Variants in ADARB2 observed in about 807,000 individuals in gnomAD.
ADARB2 encodes the protein adenosine deaminase RNA specific B2 (inactive), also known as inactive double-stranded RNA-specific editase B2.
In ADARB2, 25 loss-of-function variants were observed where a neutral mutation model predicts 62.2. That is an observed-to-expected ratio of 0.40 (90% CI 0.29 to 0.56). The LOEUF is 0.56. Ranked by LOEUF, ADARB2 falls within the 20% of genes least tolerant of loss-of-function variation. The pLI is 0.43. For synonymous variants in ADARB2, 572 were observed against 500.8 expected (o/e 1.14, Z -1.90); for missense variants, 1,071 against 1,077.4 (o/e 0.99, Z 0.08).
chr10:1,672,710 G>GCAAGGCT (rs1834406447), intron 1 of ADARB2, among the ~76,000 whole-genome samples: 1 of 86,792 alleles, frequency 1.2e-5, no homozygotes, highest in African/African-American at 3.2e-5. Flanking sequence ...CAGGCCCCCC[G>GCAAGGCT]CCTGCCTCCT....
chr10:1,435,491 A>C (rs200656901), intron 1 of ADARB2, among the ~76,000 whole-genome samples: 4 of 148,528 alleles, frequency 2.7e-5, no homozygotes, highest in African/African-American at 7.9e-5. Flanking sequence ...CGCAAGGACC[A>C]TTAACGAGGG....
chr10:1,196,628 A>G (rs1161310221), intron 8 of ADARB2, among the ~76,000 whole-genome samples: 1 of 152,230 alleles, frequency 6.6e-6, no homozygotes, highest in Admixed American at 6.5e-5. Flanking sequence ...CAATAATTTT[A>G]TATTTATCAT....
At position 1,731,333 on chromosome 10, in the gene ADARB2, A is replaced by C. The variant is rs60412229; in HGVS notation, c.100+5718T>G. On this transcript the variant is annotated intron_variant, in intron 1 of 9. Coordinates refer to ENST00000381312, the MANE Select transcript of ADARB2 (RefSeq NM_018702.4). The stretch of plus-strand genomic sequence containing the variant: ...CCTTTTAAATCAAATAAACGAGTAA[A>C]TAAAAGCCCAATTTTAATTGCTGAA... Among the ~76,000 whole-genome samples, 514 of 152,308 alleles carry C rather than the reference A, an allele frequency of 3.4e-3. 3 individuals carry two copies. The highest frequency in any genetic ancestry group is 0.012 in the African/African-American group (487 of 41,566).
chr10:1,264,962 C>T (rs1044099220), intron 4 of ADARB2, among the ~76,000 whole-genome samples: 8 of 152,056 alleles, frequency 5.3e-5, no homozygotes, highest in African/African-American at 1.9e-4. Flanking sequence ...TAAACATGAC[C>T]CCCTAATGTA....
chr10:1,588,008 G>A (rs12263877), intron 1 of ADARB2, among the ~76,000 whole-genome samples: 3,459 of 152,090 alleles, frequency 0.023, 122 homozygotes, highest in African/African-American at 0.078. Flanking sequence ...ACCCAGTCTC[G>A]GTTGCGTCTT....
chr10:1,576,489 G>A lies in ADARB2; in HGVS notation c.100+160562C>T, dbSNP rs925885587. Among the ~76,000 whole-genome samples, 6 of 152,156 alleles carry A rather than the reference G, an allele frequency of 3.9e-5. 1 individual carries two copies. Among genetic ancestry groups the A allele is most frequent in the Non-Finnish European group, 1.5e-5 (1 of 68,006 alleles). On this transcript the variant is annotated intron_variant, in intron 1 of 9. Transcript: ENST00000381312. Reference sequence around the variant, plus strand: ...TGCAAATACGGTAGCAGCAGTTCATGCTATGGTTCTGTGGTGCTGGCAGGA... The same window carrying A: ...TGCAAATACGGTAGCAGCAGTTCATACTATGGTTCTGTGGTGCTGGCAGGA...
chr10:1,513,334 C>T (rs1481809245), intron 1 of ADARB2, among the ~76,000 whole-genome samples: 10 of 152,350 alleles, frequency 6.6e-5, no homozygotes, highest in Admixed American at 2.6e-4. Flanking sequence ...CCCTCAGTGA[C>T]AAGGCTGGCT....
At chr10:1,482,767 A>T (rs73580365) in intron 1 of ADARB2, among the ~76,000 whole-genome samples, 19,672 of 151,350 alleles carry the variant, frequency 0.13, 3,760 homozygotes, top group African/African-American at 0.42. Flanking sequence ...GAGGATGACA[A>T]CCCTTGTCAG....
chr10:1,321,988 A>G (rs961697884), intron 3 of ADARB2, among the ~76,000 whole-genome samples: 10 of 152,004 alleles, frequency 6.6e-5, no homozygotes, highest in African/African-American at 1.2e-4. Flanking sequence ...GCCACAGAAG[A>G]CACAGAAATG....
At chr10:1,225,343 G>A (rs1277387523) in intron 6 of ADARB2, among the ~76,000 whole-genome samples, 1 of 152,248 alleles carries the variant, frequency 6.6e-6, no homozygotes, top group Non-Finnish European at 1.5e-5. Flanking sequence ...ACAGCACACT[G>A]ATGGGTCTTG....
intron 6 of ADARB2, among the ~76,000 whole-genome samples, chr10:1,227,330 G>A (rs1830756965): frequency 6.6e-6 from 1 of 152,228 alleles, no homozygotes; most frequent in African/African-American, 2.4e-5. Context: ...CTAGGAAAGG[G>A]AATTCCATGA....
chr10:1,448,061 G>T (rs559197315), intron 1 of ADARB2, among the ~76,000 whole-genome samples: 37 of 152,248 alleles, frequency 2.4e-4, no homozygotes, highest in African/African-American at 7.9e-4. Context: ...TGTCTTTATG[G>T]TATAGAAAAA....
chr10:1,549,651 A>G (rs1407221657), intron 1 of ADARB2, among the ~76,000 whole-genome samples: 1 of 151,972 alleles, frequency 6.6e-6, no homozygotes, highest in African/African-American at 2.4e-5. Flanking sequence ...GTAAGAGAGA[A>G]CGCAATGCAC....
chr10:1,449,395 T>G (rs1208069269), intron 1 of ADARB2, among the ~76,000 whole-genome samples: 1 of 152,178 alleles, frequency 6.6e-6, no homozygotes, highest in Admixed American at 6.5e-5. Flanking sequence ...GCTGAGTGTG[T>G]GCAATGCATC....
At chr10:1,493,901 G>A (rs1378363484) in intron 1 of ADARB2, among the ~76,000 whole-genome samples, 1 of 151,730 alleles carries the variant, frequency 6.6e-6, no homozygotes, top group Admixed American at 6.6e-5. Context: ...GATTACAGGC[G>A]TGCGCCACTA....
rs370614386 is a variant in ADARB2, at chr10:1,255,706, G to T, written c.1193-13407C>A. Among the ~76,000 whole-genome samples, 2 of 152,258 alleles carry T rather than the reference G, an allele frequency of 1.3e-5. No homozygotes were observed. The highest frequency in any genetic ancestry group is 4.8e-5 in the African/African-American group (2 of 41,466). The stretch of plus-strand genomic sequence containing the variant: ...GGAGATGCCAGTGACCTTTCTGTGG[G>T]CCTTGGGCAGGGAGCTGGCTGCATG... On this transcript the variant is annotated intron_variant, in intron 4 of 9. Coordinates refer to ENST00000381312, the MANE Select transcript of ADARB2 (RefSeq NM_018702.4). This position sits in a 1 kb window ranked among gnomAD's most constrained non-coding sequence, Gnocchi z 4.7.
intron 2 of ADARB2, among the ~76,000 whole-genome samples, chr10:1,369,405 T>A (rs953639065): frequency 1.3e-5 from 2 of 152,108 alleles, no homozygotes; most frequent in Non-Finnish European, 2.9e-5. Context: ...CCTGGGGGAC[T>A]ATCGGCCTCC....
At chr10:1,539,629 G>A (rs1252498995) in intron 1 of ADARB2, among the ~76,000 whole-genome samples, 1 of 152,224 alleles carries the variant, frequency 6.6e-6, no homozygotes, top group Non-Finnish European at 1.5e-5. Flanking sequence ...GCTAGTTATT[G>A]CCTTCACTTT....
intron 3 of ADARB2, among the ~76,000 whole-genome samples, chr10:1,277,889 C>A (rs968290729): frequency 6.6e-6 from 1 of 152,194 alleles, no homozygotes; most frequent in East Asian, 1.9e-4. Flanking sequence ...ACCAGCACAT[C>A]AAGAAGCTTA....
Sources: allele counts gnomAD v4.1 joint callset (sites outside exome capture counted in the v4.1 genomes callset), GRCh38; gene constraint gnomAD v4.1.1; non-coding constraint Gnocchi (gnomAD v3.1); transcripts MANE v1.5; gene names NCBI Gene and HGNC (gene_info 2026-07-23, HGNC 2026-07-21).